ULK4: variants seen among roughly 807,000 people sequenced by gnomAD.
The protein encoded by ULK4 is inactive serine/threonine-protein kinase ULK4.
Under a neutral mutation model 160.6 loss-of-function variants are expected in ULK4, and 133 were observed. The observed-to-expected ratio is 0.83, with a 90% CI of 0.72 to 0.96. The LOEUF is 0.96. ULK4 is among the 40% of genes least tolerant of loss of function. The pLI is 0.00. For missense variants in ULK4, 1,580 were observed against 1,499.5 expected, an observed-to-expected ratio of 1.05 and a Z score of -0.89; for synonymous variants, 534 against 539.8, an observed-to-expected ratio of 0.99 and a Z score of 0.15.
intron 17 of ULK4, among the ~76,000 whole-genome samples, chr3:41,860,193 T>C (rs184666565): frequency 6.1e-4 from 93 of 152,338 alleles, no homozygotes; most frequent in African/African-American, 2.2e-3. Context: ...AGAAAAAGAA[T>C]GTGCATTCTG....
chr3:41,383,924 C>T (rs1443883141), intron 35 of ULK4, among the ~76,000 whole-genome samples: 7 of 152,182 alleles, frequency 4.6e-5, no homozygotes, highest in Admixed American at 3.9e-4. Context: ...TATTTCCCCT[C>T]AGGCATTAAA....
chr3:41,304,157 C>T (rs574514708), intron 35 of ULK4, among the ~76,000 whole-genome samples: 40 of 151,196 alleles, frequency 2.6e-4, no homozygotes, highest in African/African-American at 8.5e-4. Context: ...CCTGTAATCC[C>T]AGCTACTTGA....
chr3:41,663,766 T>C (rs921546852), intron 29 of ULK4, 67 bp from the exon 30 acceptor site: 2 of 1,294,622 alleles, frequency 1.5e-6, no homozygotes, highest in African/African-American at 2.9e-5. Flanking sequence ...GAATTCTATA[T>C]CCAGCCAAAC....
At chr3:41,462,245 C>T (rs1390430089) in intron 33 of ULK4, among the ~76,000 whole-genome samples, 5 of 152,286 alleles carry the variant, frequency 3.3e-5, no homozygotes, top group African/African-American at 1.2e-4. Flanking sequence ...CTTGGCTCTG[C>T]TACTGTGACT....
intron 31 of ULK4, among the ~76,000 whole-genome samples, chr3:41,584,101 T>G (rs977226939): frequency 1.3e-5 from 2 of 152,128 alleles, no homozygotes; most frequent in Non-Finnish European, 2.9e-5. Context: ...GAGGACTTAA[T>G]GAGAAAAACC....
At chr3:41,379,778 C>T (rs2081605660) in intron 35 of ULK4, among the ~76,000 whole-genome samples, 1 of 152,116 alleles carries the variant, frequency 6.6e-6, no homozygotes. Flanking sequence ...AAAAAGGTCA[C>T]TTACTATGAT....
chr3:41,267,196 A>T (rs7635650), intron 35 of ULK4, among the ~76,000 whole-genome samples: 86,110 of 151,718 alleles, frequency 0.57, 26,480 homozygotes, highest in African/African-American at 0.82. Flanking sequence ...CTGGTGTGTG[A>T]TGTTCCCCTC....
At chr3:41,792,972 A>C (rs1279207012) in intron 20 of ULK4, among the ~76,000 whole-genome samples, 1 of 152,224 alleles carries the variant, frequency 6.6e-6, no homozygotes, top group Non-Finnish European at 1.5e-5. Context: ...CAGGAGTTTC[A>C]GGCCAGCCTG....
rs116493044 is a variant in ULK4 at position 41,667,104 on chromosome 3, C to T, written c.2979-3405G>A. On this transcript the variant is annotated intron_variant, in intron 29 of 36. Coordinates refer to ENST00000301831, the MANE Select transcript of ULK4 (RefSeq NM_017886.4). Reference sequence around the variant, plus strand: ...AGGCATTTAAGGCTGCAGTGAGCTACGATGGCACCAGTACACTTCAGCCTA... The same window carrying T: ...AGGCATTTAAGGCTGCAGTGAGCTATGATGGCACCAGTACACTTCAGCCTA... 6.3e-3 allele frequency among the ~76,000 whole-genome samples: 948 copies of T among 151,608 alleles called. 5 individuals are homozygous for T. The highest frequency in any genetic ancestry group is 9.2e-3 in the Non-Finnish European group (623 of 67,904).
intron 17 of ULK4, among the ~76,000 whole-genome samples, chr3:41,855,829 A>G (rs2042323155): frequency 6.6e-6 from 1 of 152,116 alleles, no homozygotes; most frequent in Non-Finnish European, 1.5e-5. Context: ...ATGCTTTGCT[A>G]GGTTCCCAAG....
chr3:41,518,373 G>T (rs1294470572), intron 32 of ULK4, among the ~76,000 whole-genome samples: 1 of 152,058 alleles, frequency 6.6e-6, no homozygotes, highest in Non-Finnish European at 1.5e-5. Flanking sequence ...GCAAAATTCT[G>T]CAGGCTTTAA....
intron 35 of ULK4, among the ~76,000 whole-genome samples, chr3:41,394,904 C>T (rs1240517350): frequency 6.6e-6 from 1 of 152,014 alleles, no homozygotes; most frequent in East Asian, 1.9e-4. Context: ...TATGGGCATT[C>T]TTGAACAACT....
intron 35 of ULK4, among the ~76,000 whole-genome samples, chr3:41,335,037 AACTGCTATTTAC>A (rs958036400): frequency 6.6e-6 from 1 of 152,180 alleles, no homozygotes; most frequent in African/African-American, 2.4e-5. Flanking sequence ...AACAAAAGTA[AACTGCTATTTAC>A]ACAAATAAGA....
intron 30 of ULK4, among the ~76,000 whole-genome samples, chr3:41,642,220 G>A (rs1000717548): frequency 1.8e-4 from 28 of 152,084 alleles, no homozygotes; most frequent in African/African-American, 6.5e-4. Flanking sequence ...TTAAGTTTTA[G>A]GGTACATGTG....
Position 41,942,995 on chromosome 3 carries a change from C to T in ULK4, c.139-4798G>A, listed in dbSNP as rs548831178. ...TTGGGAGGCCGAGGCGGGTGGATCACGAGGTAAGGAGATCAAGACCATCCT... is the reference window on the plus strand; with the variant it reads ...TTGGGAGGCCGAGGCGGGTGGATCATGAGGTAAGGAGATCAAGACCATCCT... On this transcript the variant is annotated intron_variant, in intron 2 of 36. Transcript: ENST00000301831. Among the ~76,000 whole-genome samples the T allele has an allele frequency of 2.8e-4, 42 of 152,026 alleles. 1 individual carries two copies. Among genetic ancestry groups the T allele is most frequent in the Middle Eastern group, 6.8e-3 (2 of 294 alleles).
intron 2 of ULK4, among the ~76,000 whole-genome samples, chr3:41,945,669 T>G (rs554792698): frequency 6.6e-6 from 1 of 152,320 alleles, no homozygotes; most frequent in Non-Finnish European, 1.5e-5. Context: ...AGAAAGCACT[T>G]TGTGCCCATT....
At chr3:41,682,178 G>A (rs1314694478) in intron 27 of ULK4, among the ~76,000 whole-genome samples, 1 of 151,794 alleles carries the variant, frequency 6.6e-6, no homozygotes, top group Admixed American at 6.6e-5. Flanking sequence ...CAATCAAAAT[G>A]TTGGGAAAAA....
chr3:41,495,615 A>T (rs13080383), intron 32 of ULK4, among the ~76,000 whole-genome samples: 16 of 149,246 alleles, frequency 1.1e-4, no homozygotes, highest in Non-Finnish European at 2.4e-4. Flanking sequence ...GCACAGCAAA[A>T]GAAACTACCA....
intron 35 of ULK4, among the ~76,000 whole-genome samples, chr3:41,329,613 G>A (rs11707034): frequency 0.23 from 35,199 of 152,030 alleles, 4,220 homozygotes; most frequent in African/African-American, 0.25. Context: ...GTACAACCCA[G>A]TGTCATAAAC....
Sources: allele counts gnomAD v4.1 joint callset (sites outside exome capture counted in the v4.1 genomes callset), GRCh38; gene constraint gnomAD v4.1.1; transcripts MANE v1.5; gene names NCBI Gene and HGNC (gene_info 2026-07-23, HGNC 2026-07-21).